TUSC3: variants seen among roughly 807,000 people sequenced by gnomAD.
TUSC3 encodes dolichyl-diphosphooligosaccharide--protein glycosyltransferase subunit TUSC3.
A neutral mutation model predicts 44.8 loss-of-function variants in TUSC3; 45 were observed. The observed-to-expected ratio is 1.00, with a 90% CI of 0.79 to 1.29. The LOEUF is 1.29. TUSC3 is among the 50% of genes most tolerant of loss of function. The pLI is 0.00. For synonymous variants in TUSC3, 212 were observed against 152.9 expected (o/e 1.39, Z -2.85); for missense variants, 519 against 437.9 (o/e 1.19, Z -1.65).
chr8:15,746,839 T>C (rs1288838766), intron 8 of TUSC3, among the ~76,000 whole-genome samples: 5 of 152,176 alleles, frequency 3.3e-5, no homozygotes, highest in African/African-American at 7.2e-5. Flanking sequence ...TAATTATAGG[T>C]TTTTATAAAC....
chr8:15,446,665 G>A (rs1327608226), intron 1 of TUSC3, among the ~76,000 whole-genome samples: 2 of 149,400 alleles, frequency 1.3e-5, no homozygotes, highest in Non-Finnish European at 3.0e-5. Context: ...GCAGTGAGCC[G>A]AGATGGTGGC....
chr8:15,576,072 A>G (rs1479435776), intron 1 of TUSC3, among the ~76,000 whole-genome samples: 2 of 151,814 alleles, frequency 1.3e-5, no homozygotes, highest in Admixed American at 6.6e-5. Flanking sequence ...ATTTGAACCT[A>G]TTACTAAAGT....
intron 1 of TUSC3, 128 bp downstream of exon 1, chr8:15,540,696 G>A: frequency 1.5e-6 from 2 of 1,301,142 alleles, no homozygotes; most frequent in Non-Finnish European, 2.0e-6. Context: ...CGCTGGGGCG[G>A]GAGCCGCGAG....
intron 6 of TUSC3, among the ~76,000 whole-genome samples, chr8:15,706,202 T>C (rs138713224): frequency 1.0e-3 from 155 of 152,170 alleles, no homozygotes; most frequent in South Asian, 4.6e-3. Flanking sequence ...TATTATTGCA[T>C]ATATATGGTA....
At chr8:15,562,859 G>C (rs1802530301) in intron 1 of TUSC3, among the ~76,000 whole-genome samples, 1 of 152,084 alleles carries the variant, frequency 6.6e-6, no homozygotes, top group Non-Finnish European at 1.5e-5. Context: ...GATTAGGTGA[G>C]GCTAATCCAG....
chr8:15,816,099 G>A, the TUSC3 span, among the ~76,000 whole-genome samples: 54 of 152,268 alleles, frequency 3.5e-4, no homozygotes, highest in African/African-American at 1.3e-3. Context: ...TAAGATGGAT[G>A]ACCCTCTTTC....
At chr8:15,455,573 C>CT (rs1281581746) in intron 1 of TUSC3, among the ~76,000 whole-genome samples, 30 of 151,974 alleles carry the variant, frequency 2.0e-4, no homozygotes, top group Non-Finnish European at 3.7e-4. Context: ...TATACATATA[C>CT]TTTTTTTTAA....
chr8:15,663,227 CTA>C (rs1001148627), intron 5 of TUSC3, among the ~76,000 whole-genome samples: 1 of 151,456 alleles, frequency 6.6e-6, no homozygotes, highest in African/African-American at 2.4e-5. Flanking sequence ...GAAATTGAGA[CTA>C]GATACATATA....
the TUSC3 span, among the ~76,000 whole-genome samples, chr8:15,843,065 C>G: frequency 2.6e-5 from 4 of 152,138 alleles, no homozygotes; most frequent in African/African-American, 9.7e-5. Context: ...GGAAGAGGAG[C>G]GAGGGCTTTG....
At chr8:15,561,661 G>C (rs534877287) in intron 1 of TUSC3, 1 of 153,476 alleles carries the variant, frequency 6.5e-6, no homozygotes, top group Admixed American at 6.6e-5. Context: ...GCGAGACTCC[G>C]TGGGTGTAGG....
intron 6 of TUSC3, among the ~76,000 whole-genome samples, chr8:15,714,405 C>T (rs978247579): frequency 5.3e-5 from 8 of 152,012 alleles, no homozygotes; most frequent in African/African-American, 1.7e-4. Flanking sequence ...TCGCTATTTC[C>T]AGCCAGAAAG....
the TUSC3 span, among the ~76,000 whole-genome samples, chr8:15,841,960 T>C: frequency 1.3e-5 from 2 of 152,332 alleles, no homozygotes; most frequent in East Asian, 3.9e-4. Context: ...CCCTGATGTG[T>C]TCTTTAAAAA....
chr8:15,706,324 A>G (rs779649477), intron 6 of TUSC3, among the ~76,000 whole-genome samples: 1 of 152,050 alleles, frequency 6.6e-6, no homozygotes, highest in African/African-American at 2.4e-5. Context: ...AAAGGAAAAG[A>G]AAGTGTTATC....
At chr8:15,471,067 A>C (rs1444611748) in intron 1 of TUSC3, among the ~76,000 whole-genome samples, 1 of 152,228 alleles carries the variant, frequency 6.6e-6, no homozygotes, top group Non-Finnish European at 1.5e-5. Flanking sequence ...AGTGCTCTGC[A>C]AACTCCCTTC....
chr8:15,821,521 G>A, the TUSC3 span, among the ~76,000 whole-genome samples: 1 of 151,246 alleles, frequency 6.6e-6, no homozygotes, highest in African/African-American at 2.4e-5. Context: ...AATTAAGCTA[G>A]CCTTTCTTCT....
chr8:15,815,225 AAGAT>A, the TUSC3 span, among the ~76,000 whole-genome samples: 3 of 152,102 alleles, frequency 2.0e-5, no homozygotes, highest in Non-Finnish European at 4.4e-5. Context: ...GTGGATATGA[AAGAT>A]AGATAGACTA....
intron 1 of TUSC3, among the ~76,000 whole-genome samples, chr8:15,570,429 A>G (rs1802832152): frequency 1.3e-5 from 2 of 152,172 alleles, no homozygotes; most frequent in African/African-American, 4.8e-5. Flanking sequence ...ATATGAAGCT[A>G]CATAAATTCA....
chr8:15,712,389 C>T (rs1809891616), intron 6 of TUSC3, among the ~76,000 whole-genome samples: 1 of 152,032 alleles, frequency 6.6e-6, no homozygotes, highest in South Asian at 2.1e-4. Context: ...CTATTTGAAA[C>T]CTCATGAAAA....
the TUSC3 span, among the ~76,000 whole-genome samples, chr8:15,819,582 A>G: frequency 4.6e-5 from 7 of 152,186 alleles, no homozygotes; most frequent in Non-Finnish European, 1.0e-4. Context: ...CTTTGTTTTC[A>G]TACTAGCAAA....
Sources: gnomAD v4.1 joint callset for allele counts (sites outside exome capture counted in the v4.1 genomes callset) on GRCh38, gnomAD v4.1.1 for gene constraint, MANE v1.5 for transcripts, NCBI Gene and HGNC (gene_info 2026-07-23, HGNC 2026-07-21) for gene names.